Variants in SLCO1B3 observed in about 807,000 individuals in gnomAD.
SLCO1B3 encodes solute carrier organic anion transporter family member 1B3.
In SLCO1B3, 72 loss-of-function variants were observed where a neutral mutation model predicts 71.8. That is an observed-to-expected ratio of 1.00 (90% CI 0.83 to 1.22). The LOEUF (loss-of-function observed/expected upper bound fraction) is 1.22. Ranked by LOEUF, SLCO1B3 falls within the 50% of genes most tolerant of loss-of-function variation. The pLI, the probability that SLCO1B3 is intolerant of heterozygous loss-of-function variation, is 0.00. For synonymous variants in SLCO1B3, 298 were observed against 278.4 expected (o/e 1.07, Z -0.70); for missense variants, 911 against 819.7 (o/e 1.11, Z -1.36).
intron 15 of SLCO1B3, among the ~76,000 whole-genome samples, chr12:20,910,947 CTTTT>C (rs200780089): frequency 6.8e-6 from 1 of 147,522 alleles, no homozygotes; most frequent in African/African-American, 2.5e-5. Flanking sequence ...TCCCTTTTGA[CTTTT>C]TTTTTTAATC....
intron 8 of SLCO1B3, among the ~76,000 whole-genome samples, chr12:20,866,387 T>C (rs1865373661): frequency 6.6e-6 from 1 of 152,144 alleles, no homozygotes; most frequent in South Asian, 2.1e-4. Flanking sequence ...GCAATAGCTT[T>C]TTATATCATA....
intron 2 of SLCO1B3, among the ~76,000 whole-genome samples, chr12:20,814,564 AT>A (rs1471139921): frequency 2.0e-5 from 3 of 152,236 alleles, no homozygotes; most frequent in African/African-American, 4.8e-5. Context: ...TTACATTTAT[AT>A]TAAAAGAGAA....
chr12:20,887,758 G>T (rs1463695126), intron 13 of SLCO1B3, among the ~76,000 whole-genome samples: 1 of 150,704 alleles, frequency 6.6e-6, no homozygotes, highest in Non-Finnish European at 1.5e-5. Context: ...GTATTATTTT[G>T]TTGCATTTCC....
intron 15 of SLCO1B3, among the ~76,000 whole-genome samples, chr12:20,905,977 A>G (rs1194206836): frequency 6.6e-6 from 1 of 152,184 alleles, no homozygotes; most frequent in Non-Finnish European, 1.5e-5. Context: ...TTCTCATTAC[A>G]ACAGGAGAGA....
rs751600260 is a variant in SLCO1B3 at position 20,862,523 on chromosome 12, A to G, written c.593A>G (p.Asp198Gly). 1.4e-5 allele frequency: 22 copies of G among 1,611,590 alleles called. No individual in the cohort carries two copies. The highest frequency in any genetic ancestry group is 3.4e-5 in the Admixed American group (2 of 59,550). The change falls in exon 7 of 16, where the codon GAT (aspartate) becomes GGT (glycine). Residue 198 changes from aspartate to glycine, a missense_variant. By Grantham distance (94) the Asp-to-Gly change is moderately conservative (BLOSUM62 -1). Coordinates refer to ENST00000381545, the MANE Select transcript of SLCO1B3 (RefSeq NM_019844.4). ...IVPLGISYID[D>G]FAKEGHSSLY... Reference sequence around the variant, plus strand: ...CCATTGGGGATTTCATACATTGATGATTTTGCAAAAGAAGGACATTCTTCC... The same window carrying G: ...CCATTGGGGATTTCATACATTGATGGTTTTGCAAAAGAAGGACATTCTTCC...
At chr12:20,855,627 T>G (rs138010878) in intron 4 of SLCO1B3, among the ~76,000 whole-genome samples, 1 of 150,152 alleles carries the variant, frequency 6.7e-6, no homozygotes, top group Non-Finnish European at 1.5e-5. Flanking sequence ...ATTCTACTGT[T>G]TAACTGTGTA....
At chr12:20,830,332 C>G (rs1405721008) in intron 3 of SLCO1B3, among the ~76,000 whole-genome samples, 1 of 152,066 alleles carries the variant, frequency 6.6e-6, no homozygotes, top group Non-Finnish European at 1.5e-5. Context: ...GGGAGACAGG[C>G]CTGTGCCTTT....
intron 13 of SLCO1B3, among the ~76,000 whole-genome samples, chr12:20,895,489 A>G (rs1208227614): frequency 1.3e-5 from 2 of 152,136 alleles, no homozygotes; most frequent in Non-Finnish European, 2.9e-5. Flanking sequence ...GGCAGTCAAA[A>G]CTTGAAGCTC....
intron 3 of SLCO1B3, among the ~76,000 whole-genome samples, chr12:20,823,844 C>A (rs966906848): frequency 7.2e-5 from 11 of 152,140 alleles, no homozygotes; most frequent in African/African-American, 2.7e-4. Flanking sequence ...CAGGTCATGA[C>A]CCTGTAAAGG....
rs141083274 is a variant in SLCO1B3, at chr12:20,904,056, G to A, written c.1865+2589G>A. Among the ~76,000 whole-genome samples the A allele has an allele frequency of 8.7e-4, 132 of 152,086 alleles. 1 individual carries two copies. The highest frequency in any genetic ancestry group is 2.8e-3 in the African/African-American group (117 of 41,504). On this transcript the variant is annotated intron_variant, in intron 15 of 15. Transcript: ENST00000381545. ...AGATTGAGACCATCCTGGTTAACAC[G>A]GTGAAACCTCATCTTTACTAAAAAT...
chr12:20,916,313 AT>A lies in SLCO1B3; in HGVS notation c.*68del. 6.8e-7 allele frequency: 1 copy of A among 1,472,054 alleles called. No individual in the cohort carries two copies. 91.2% of individuals were successfully genotyped at this position (1,472,054 alleles called of 1,614,324 possible). On this transcript the variant is annotated 3_prime_UTR_variant, in exon 16 of 16. Transcript: ENST00000381545. Reference sequence around the variant, plus strand: ...CTGGTCTTTCACTGACAATTCCAACATTCTTTACTTACAGTGGACCAATGGA... The same window carrying A: ...CTGGTCTTTCACTGACAATTCCAACATCTTTACTTACAGTGGACCAATGGA...
At chr12:20,866,519 A>G (rs747538118) in intron 8 of SLCO1B3, among the ~76,000 whole-genome samples, 13 of 152,148 alleles carry the variant, frequency 8.5e-5, no homozygotes, top group Non-Finnish European at 1.8e-4. Flanking sequence ...AAGGAAAGTG[A>G]ATGATTTAAA....
In SLCO1B3 at chr12:20,861,040, A is replaced by G. The variant is rs1195693017; in HGVS notation, c.383A>G (p.His128Arg). 1 of 1,594,586 alleles carries G rather than the reference A, an allele frequency of 6.3e-7. No homozygotes were observed. The highest frequency in any genetic ancestry group is 1.7e-5 in the Admixed American group (1 of 58,312). ...MGYYRYSKET[H>R]INPSENSTSS... ...AGTTATAGGTATTCTAAAGAAACCC[A>G]TATTAATCCATCAGAAAATTCAACA... The change falls in exon 6 of 16, where the codon CAT (histidine) becomes CGT (arginine). Residue 128 changes from histidine to arginine, a missense_variant. His to Arg is a conservative substitution (Grantham distance 29, BLOSUM62 0). Transcript: ENST00000381545.
chr12:20,897,081 A>G lies in SLCO1B3; in HGVS notation c.1683-1355A>G, dbSNP rs560499638. Among the ~76,000 whole-genome samples, 28 of 152,298 alleles carry G rather than the reference A, an allele frequency of 1.8e-4. No individual in the cohort carries two copies. The South Asian group carries it at 5.6e-3, about 30-fold the overall frequency. Reference sequence around the variant, plus strand: ...CACAACACGTGGGTATTATGTGAGTAAAATTCAAGATGAGATTTAAGTAGG... The same window carrying G: ...CACAACACGTGGGTATTATGTGAGTGAAATTCAAGATGAGATTTAAGTAGG... On this transcript the variant is annotated intron_variant, in intron 13 of 15. Coordinates refer to ENST00000381545, the MANE Select transcript of SLCO1B3 (RefSeq NM_019844.4).
chr12:20,854,574 T>C (rs1865093661), intron 3 of SLCO1B3, among the ~76,000 whole-genome samples: 1 of 152,200 alleles, frequency 6.6e-6, no homozygotes. Flanking sequence ...ATACAGTCAC[T>C]TGTGTTGGTC....
At chr12:20,841,367 T>C (rs2121172412) in intron 3 of SLCO1B3, among the ~76,000 whole-genome samples, 1 of 152,298 alleles carries the variant, frequency 6.6e-6, no homozygotes, top group East Asian at 1.9e-4. Flanking sequence ...TATTCACTTA[T>C]CTCATGTCTT....
At chr12:20,845,232 T>A in intron 3 of SLCO1B3, 1 of 439,470 alleles carries the variant, frequency 2.3e-6, no homozygotes, top group Non-Finnish European at 4.6e-6. Flanking sequence ...TGGTCTTGTA[T>A]GATTCTACCA....
chr12:20,899,161 A>T (rs1210911934), intron 14 of SLCO1B3, among the ~76,000 whole-genome samples: 1 of 152,224 alleles, frequency 6.6e-6, no homozygotes, highest in East Asian at 1.9e-4. Context: ...CTAAATATTC[A>T]AAAGTGATGA....
chr12:20,855,767 A>AT (rs1479977527), intron 4 of SLCO1B3, among the ~76,000 whole-genome samples: 1 of 150,626 alleles, frequency 6.6e-6, no homozygotes, highest in Non-Finnish European at 1.5e-5. Flanking sequence ...TTATATAATA[A>AT]TTGAAAATAA....
Sources: gnomAD v4.1 joint callset for allele counts (sites outside exome capture counted in the v4.1 genomes callset) on GRCh38, gnomAD v4.1.1 for gene constraint, MANE v1.5 for transcripts, NCBI Gene and HGNC (gene_info 2026-07-23, HGNC 2026-07-21) for gene names.